The following SPACA1 variants were observed in gnomAD, a reference collection of about 807,000 sequenced individuals.
SPACA1 encodes the protein sperm acrosome associated 1.
A neutral mutation model predicts 32.6 loss-of-function variants in SPACA1; 17 were observed. The observed-to-expected ratio is 0.52, with a 90% confidence interval of 0.36 to 0.78. SPACA1 has a LOEUF of 0.78. Among genes scored for constraint, SPACA1 ranks in the 30% least tolerant of loss-of-function variants. The pLI is 0.01. For missense variants in SPACA1, 363 were observed against 373.4 expected (o/e 0.97, Z 0.23); for synonymous variants, 140 against 138.1 (o/e 1.01, Z -0.10).
intron 2 of SPACA1, among the ~76,000 whole-genome samples, chr6:88,056,285 C>T (rs1775805957): frequency 6.6e-6 from 1 of 151,992 alleles, no homozygotes. Context: ...ACCCGGGAGG[C>T]GGAGGTTGCA....
intron 1 of SPACA1, among the ~76,000 whole-genome samples, chr6:88,048,670 G>A (rs1156898375): frequency 4.6e-5 from 7 of 152,160 alleles, no homozygotes; most frequent in African/African-American, 1.7e-4. Context: ...TGCGGCCTCG[G>A]ACAAAGGAAT....
At chr6:88,058,519 G>A (rs980401273) in intron 3 of SPACA1, among the ~76,000 whole-genome samples, 197 bp from the exon 4 acceptor site, 27 of 152,094 alleles carry the variant, frequency 1.8e-4, no homozygotes, top group African/African-American at 6.5e-4. Flanking sequence ...TGTGCATGTA[G>A]TCCCAGCCAC....
At chr6:88,048,219 GCT>G (rs1174268718) in intron 1 of SPACA1, 106 bp downstream of exon 1, 3 of 1,194,918 alleles carry the variant, frequency 2.5e-6, no homozygotes, top group Non-Finnish European at 2.3e-6. Flanking sequence ...CGTCAGGAGA[GCT>G]CTCTCTCATA....
In SPACA1 at chr6:88,053,969, G is replaced by T; in HGVS notation, c.232G>T (p.Glu78Ter). 1 of 1,613,590 alleles carries T rather than the reference G, an allele frequency of 6.2e-7. No individual in the cohort carries two copies. The highest frequency in any genetic ancestry group is 8.5e-7 in the Non-Finnish European group (1 of 1,179,690). The change falls in exon 2 of 7, where the codon GAA (glutamate) becomes TAA (stop). Residue 78 changes from glutamate (E) to a stop codon, truncating the protein, a stop_gained. Transcript: ENST00000237201. LOFTEE classifies it high-confidence loss of function. ...EDVSNRNVVK[E>*]VEFGMCTVTC... The stretch of plus-strand genomic sequence containing the variant: ...AGTTTCAAATAGGAATGTCGTCAAA[G>T]AAGTAGAATTCGGAATGTGCACCGT...
chr6:88,053,164 G>C (rs1240828947), intron 1 of SPACA1, among the ~76,000 whole-genome samples: 1 of 152,228 alleles, frequency 6.6e-6, no homozygotes. Flanking sequence ...AGTGATAGAA[G>C]CAGCTCTTTG....
At chr6:88,061,471 G>C (rs1056030181) in intron 5 of SPACA1, among the ~76,000 whole-genome samples, 2 of 151,852 alleles carry the variant, frequency 1.3e-5, no homozygotes, top group Admixed American at 1.3e-4. Context: ...AACACAGATG[G>C]AAAGTGGGGC....
At position 88,054,914 on chromosome 6, in the gene SPACA1, C is replaced by T. The variant is rs556147664; in HGVS notation, c.265+912C>T. 7.0e-4 allele frequency among the ~76,000 whole-genome samples: 106 copies of T among 152,238 alleles called. 1 individual carries two copies. The South Asian group carries it at 0.015, about 21-fold the overall frequency. On this transcript the variant is annotated intron_variant, in intron 2 of 6. Coordinates refer to ENST00000237201, the MANE Select transcript of SPACA1 (RefSeq NM_030960.3). ...CACATTCTTGTGCAACCATCACAAC[C>T]GCCCATCTCGAGAACTTTTTTATTA...
intron 4 of SPACA1, 38 bp downstream of exon 4, chr6:88,058,860 G>T: frequency 7.2e-7 from 1 of 1,397,912 alleles, no homozygotes; most frequent in South Asian, 1.3e-5. Context: ...GCTTTCTAGT[G>T]AGTGATAAAA....
chr6:88,062,825 A>G (rs1775916705), intron 5 of SPACA1, among the ~76,000 whole-genome samples: 1 of 152,182 alleles, frequency 6.6e-6, no homozygotes, highest in Non-Finnish European at 1.5e-5. Flanking sequence ...GTGTATAGAA[A>G]ACAATGAGCT....
At chr6:88,064,360 T>C in intron 6 of SPACA1, 141 bp downstream of exon 6, 3 of 746,184 alleles carry the variant, frequency 4.0e-6, no homozygotes, top group Non-Finnish European at 6.0e-6. Flanking sequence ...ATTACTCCTG[T>C]GACTGCCCTA....
In SPACA1 at chr6:88,058,595, T is replaced by A. The variant is rs1775844517; in HGVS notation, c.368-121T>A. The stretch of plus-strand genomic sequence containing the variant: ...CAGAGATTGCAGTGAGCCAAGATCA[T>A]GCCACTCTACTCCAGCCTGGGTGAC... On this transcript the variant is annotated intron_variant, in intron 3 of 6. Transcript: ENST00000237201. 5 of 644,506 alleles carry A rather than the reference T, an allele frequency of 7.8e-6. No individual in the cohort carries two copies. The South Asian group carries it at 1.0e-4, about 13-fold the overall frequency. The allele number at this position is 644,506 out of a possible 1,614,324, so 39.9% of individuals were successfully genotyped here.
Position 88,054,759 on chromosome 6 carries a change from G to A in SPACA1, c.265+757G>A, listed in dbSNP as rs142845730. On this transcript the variant is annotated intron_variant, in intron 2 of 6. Coordinates refer to ENST00000237201, the MANE Select transcript of SPACA1 (RefSeq NM_030960.3). ...TCAGAATGAATTTTGCAGGGGTGGC[G>A]GTGTCAAAAATTACACCTGAATTGT... Among the ~76,000 whole-genome samples the A allele has an allele frequency of 4.0e-3, 616 of 152,104 alleles. 4 individuals carry two copies. The highest frequency in any genetic ancestry group is 0.011 in the African/African-American group (439 of 41,492).
At position 88,048,131 on chromosome 6, in the gene SPACA1, C is replaced by G; in HGVS notation, c.208+18C>G. ...CGAGGATGGTGAGGGCGGGAGCTCC[C>G]TTGCGGGGCACGCGGAGGCCCCTGT... is the stretch of plus-strand genomic sequence containing the variant. On this transcript the variant is annotated intron_variant, in intron 1 of 6. Coordinates refer to ENST00000237201, the MANE Select transcript of SPACA1 (RefSeq NM_030960.3). 2 of 1,569,658 alleles carry G rather than the reference C, an allele frequency of 1.3e-6. No homozygotes were observed. The highest frequency in any genetic ancestry group is 2.3e-5 in the East Asian group (1 of 43,518).
intron 1 of SPACA1, among the ~76,000 whole-genome samples, chr6:88,051,187 T>C: frequency 6.6e-6 from 1 of 152,292 alleles, no homozygotes; most frequent in East Asian, 1.9e-4. Flanking sequence ...CTTATACTTT[T>C]GTTATACCTT....
intron 1 of SPACA1, among the ~76,000 whole-genome samples, chr6:88,048,577 A>G (rs568170909): frequency 1.3e-5 from 2 of 152,274 alleles, no homozygotes; most frequent in South Asian, 2.1e-4. Flanking sequence ...CAGTATGCCG[A>G]CAAAACTGCC....
chr6:88,065,607 T>C (rs1775971435), intron 6 of SPACA1, among the ~76,000 whole-genome samples: 1 of 151,042 alleles, frequency 6.6e-6, no homozygotes, highest in African/African-American at 2.4e-5. Flanking sequence ...GATTTTGTTA[T>C]GTATTGTAGG....
upstream of SPACA1, among the ~76,000 whole-genome samples, chr6:88,047,161 A>G (rs1447240855): frequency 1.3e-5 from 2 of 152,216 alleles, no homozygotes; most frequent in Admixed American, 6.5e-5. Context: ...ACCTTGAATC[A>G]TAAGAATCAC....
At chr6:88,058,461 AC>A (rs1321387716) in intron 3 of SPACA1, among the ~76,000 whole-genome samples, 4 of 151,950 alleles carry the variant, frequency 2.6e-5, no homozygotes, top group African/African-American at 9.7e-5. Context: ...ACATGGTGAA[AC>A]CTCCATCTCT....
Position 88,048,082 on chromosome 6 carries a change from G to A in SPACA1, c.177G>A (p.Ala59=). The change falls in exon 1 of 7, where the codon GCG becomes GCA. Residue 59 remains alanine, a synonymous_variant. Coordinates refer to ENST00000237201, the MANE Select transcript of SPACA1 (RefSeq NM_030960.3). ...CCGAAAACAACGACAGCGAGACCGC[G>A]GAGAACTACGCTCCGCCTGAAACCG... The part of the protein sequence containing the change: ...EETENNDSET[A]ENYAPPETED... 6.3e-7 allele frequency: 1 copy of A among 1,599,696 alleles called. No homozygotes were observed. The highest frequency in any genetic ancestry group is 8.5e-7 in the Non-Finnish European group (1 of 1,174,630).
Sources: allele counts gnomAD v4.1 joint callset (sites outside exome capture counted in the v4.1 genomes callset), GRCh38; gene constraint gnomAD v4.1.1; transcripts MANE v1.5; gene names NCBI Gene and HGNC (gene_info 2026-07-23, HGNC 2026-07-21).